The following ZNF813 variants were observed in gnomAD, a reference collection of about 807,000 sequenced individuals.
ZNF813 encodes zinc finger protein 813.
In ZNF813, 3 loss-of-function variants were observed where a neutral mutation model predicts 7.2. The observed-to-expected ratio is 0.42, with a 90% CI of 0.19 to 1.08. The LOEUF (loss-of-function observed/expected upper bound fraction) is 1.08. Ranked by LOEUF, ZNF813 falls within the 50% of genes least tolerant of loss-of-function variation. ZNF813 has a pLI of 0.30. For synonymous variants in ZNF813, 227 were observed against 256.3 expected, an observed-to-expected ratio of 0.89 and a Z score of 1.09; for missense variants, 714 against 753.3, an observed-to-expected ratio of 0.95 and a Z score of 0.61.
chr19:53,486,141 C>T (rs1455553733), intron 2 of ZNF813, among the ~76,000 whole-genome samples: 2 of 152,146 alleles, frequency 1.3e-5, no homozygotes, highest in African/African-American at 2.4e-5. Flanking sequence ...CATCTAGATA[C>T]TGAATGTCAC....
At chr19:53,477,995 G>T (rs952295245) in intron 1 of ZNF813, among the ~76,000 whole-genome samples, 3 of 152,134 alleles carry the variant, frequency 2.0e-5, no homozygotes, top group Non-Finnish European at 2.9e-5. Context: ...CATGTACATT[G>T]TATAAATCTT....
intron 1 of ZNF813, among the ~76,000 whole-genome samples, chr19:53,472,611 CTTTTT>C (rs1166123869): frequency 1.6e-5 from 2 of 128,410 alleles, no homozygotes; most frequent in African/African-American, 6.0e-5. Flanking sequence ...ACAAGTCTTT[CTTTTT>C]TTTTTTTTTT....
At chr19:53,471,498 A>G (rs1256313862) in intron 1 of ZNF813, among the ~76,000 whole-genome samples, 1 of 152,092 alleles carries the variant, frequency 6.6e-6, no homozygotes, top group Non-Finnish European at 1.5e-5. Flanking sequence ...ATCTCCTGAT[A>G]ATGGAAGTTT....
chr19:53,492,644 C>G lies in ZNF813; in HGVS notation c.*558C>G. The stretch of plus-strand genomic sequence containing the variant: ...AACTTGACTAATGTAATGATTGTCA[C>G]CAAGTCTTCAGTAACGCTACAACCA... On this transcript the variant is annotated 3_prime_UTR_variant, in exon 4 of 4. Coordinates refer to ENST00000396403, the MANE Select transcript of ZNF813 (RefSeq NM_001004301.4). 1 of 778,038 alleles carries G rather than the reference C, an allele frequency of 1.3e-6. No homozygotes were observed. Among genetic ancestry groups the G allele is most frequent in the Middle Eastern group, 2.8e-4 (1 of 3,604 alleles). The allele number at this position is 778,038 out of a possible 1,614,324, so 48.2% of individuals were successfully genotyped here. A position where few individuals can be genotyped will look rare whatever the true frequency, so the allele number is the denominator to read the frequency against.
At chr19:53,485,710 G>T (rs1387697397) in intron 2 of ZNF813, among the ~76,000 whole-genome samples, 2 of 151,864 alleles carry the variant, frequency 1.3e-5, no homozygotes, top group African/African-American at 4.8e-5. Flanking sequence ...TAGTTTTCAT[G>T]TATTTTCTTT....
chr19:53,471,977 C>T (rs1374843507), intron 1 of ZNF813, among the ~76,000 whole-genome samples: 1 of 152,138 alleles, frequency 6.6e-6, no homozygotes, highest in African/African-American at 2.4e-5. Context: ...GCAATGTTTT[C>T]AGCTAGCCGA....
At position 53,491,108 on chromosome 19, in the gene ZNF813, T is replaced by A; in HGVS notation, c.876T>A (p.Leu292=). Residue 292 remains leucine, a synonymous_variant, in exon 4 of 4, where the codon CTT becomes CTA. Coordinates refer to ENST00000396403, the MANE Select transcript of ZNF813 (RefSeq NM_001004301.4). ...QTYSLTCHRR[L]HTGEKPYKCE... ...ATTCCCTTACATGCCATCGTAGACT[T>A]CATACTGGAGAGAAACCTTACAAAT... The A allele has an allele frequency of 1.2e-6, 2 of 1,614,136 alleles. No individual in the cohort carries two copies. Among genetic ancestry groups the A allele is most frequent in the Non-Finnish European group, 8.5e-7 (1 of 1,180,000 alleles).
At chr19:53,482,715 T>TGG (rs2086414658) in intron 1 of ZNF813, among the ~76,000 whole-genome samples, 1 of 57,340 alleles carries the variant, frequency 1.7e-5, no homozygotes, top group Non-Finnish European at 3.6e-5. Flanking sequence ...GCTTTTTGTT[T>TGG]TTTTTTTTTT....
chr19:53,479,999 G>A (rs933013591), intron 1 of ZNF813: 1 of 763,098 alleles, frequency 1.3e-6, no homozygotes, highest in African/African-American at 1.7e-5. Flanking sequence ...GACAATTGAT[G>A]ACTTGGAAGA....
intron 1 of ZNF813, among the ~76,000 whole-genome samples, chr19:53,483,164 C>G (rs1335932103): frequency 2.0e-5 from 3 of 151,830 alleles, no homozygotes; most frequent in Non-Finnish European, 4.4e-5. Flanking sequence ...CCCTCCTTGG[C>G]CTTCCAGAGT....
At chr19:53,478,677 C>T (rs2086392819) in intron 1 of ZNF813, among the ~76,000 whole-genome samples, 1 of 151,980 alleles carries the variant, frequency 6.6e-6, no homozygotes, top group African/African-American at 2.4e-5. Flanking sequence ...ACTGGGAAGG[C>T]CAAGGCACAA....
At chr19:53,482,156 A>AT (rs1190158774) in intron 1 of ZNF813, among the ~76,000 whole-genome samples, 1 of 152,194 alleles carries the variant, frequency 6.6e-6, no homozygotes, top group Admixed American at 6.5e-5. Context: ...CCCAGTTGTA[A>AT]TTAGAATTTT....
chr19:53,478,229 G>C (rs2086390880), intron 1 of ZNF813, among the ~76,000 whole-genome samples: 1 of 152,134 alleles, frequency 6.6e-6, no homozygotes, highest in Non-Finnish European at 1.5e-5. Context: ...ATGGAGTGCA[G>C]CATGATCTCT....
Position 53,491,048 on chromosome 19 carries a change from G to A in ZNF813, c.816G>A (p.Arg272=), listed in dbSNP as rs1293336534. The change falls in exon 4 of 4, where the codon AGG becomes AGA. Residue 272 remains arginine, a synonymous_variant. Coordinates refer to ENST00000396403, the MANE Select transcript of ZNF813 (RefSeq NM_001004301.4). The part of the protein sequence containing the change: ...RRCHTGEKPY[R]CNECGKTFSQ... ...GTCACACTGGGGAGAAACCTTACAG[G>A]TGTAATGAGTGTGGCAAGACTTTCA... 3 of 1,614,058 alleles carry A rather than the reference G, an allele frequency of 1.9e-6. No homozygotes were observed. Among genetic ancestry groups the A allele is most frequent in the African/African-American group, 2.7e-5 (2 of 74,930 alleles).
In ZNF813 at chr19:53,482,720, T is replaced by TG. The variant is rs1426441353; in HGVS notation, c.-73-1030_-73-1029insG. ...CATCAGGAATGCTTTTTGTTTTTTT[T>TG]TTTTTTTTTTTTTTTTTTTGAGAGA... On this transcript the variant is annotated intron_variant, in intron 1 of 3. Coordinates refer to ENST00000396403, the MANE Select transcript of ZNF813 (RefSeq NM_001004301.4). 1.6e-3 allele frequency among the ~76,000 whole-genome samples: 214 copies of TG among 131,808 alleles called. 3 individuals carry two copies. The highest frequency in any genetic ancestry group is 5.6e-3 in the African/African-American group (190 of 33,910). 86.5% of individuals were successfully genotyped at this position (131,808 alleles called of 152,430 possible).
rs1177332836 is a variant in ZNF813 at position 53,494,309 on chromosome 19, C to T, written c.*2223C>T. The T allele has an allele frequency of 6.6e-6, 1 of 152,028 alleles. No homozygotes were observed. The highest frequency in any genetic ancestry group is 1.9e-4 in the East Asian group (1 of 5,176). 9.4% of individuals were successfully genotyped at this position (152,028 alleles called of 1,614,324 possible). A position where few individuals can be genotyped will look rare whatever the true frequency, so the allele number is the denominator to read the frequency against. On this transcript the variant is annotated 3_prime_UTR_variant, in exon 4 of 4. Coordinates refer to ENST00000396403, the MANE Select transcript of ZNF813 (RefSeq NM_001004301.4). ...CGAATCTGTTATGTCTGAACAGGTC[C>T]TAGTTTGAGGCACCCAGAAGGATAA... is the stretch of plus-strand genomic sequence containing the variant.
intron 1 of ZNF813, among the ~76,000 whole-genome samples, chr19:53,475,605 T>C (rs1204324215): frequency 1.3e-5 from 2 of 152,250 alleles, no homozygotes; most frequent in Non-Finnish European, 2.9e-5. Context: ...CTTTGATCCA[T>C]CAAAGTTATG....
At chr19:53,479,083 C>T (rs573385349) in intron 1 of ZNF813, among the ~76,000 whole-genome samples, 3 of 151,948 alleles carry the variant, frequency 2.0e-5, no homozygotes, top group South Asian at 2.1e-4. Flanking sequence ...TACAGGCCCA[C>T]GCCACCACAC....
intron 1 of ZNF813, among the ~76,000 whole-genome samples, chr19:53,474,642 TTG>T (rs1431581993): frequency 6.6e-6 from 1 of 151,672 alleles, no homozygotes; most frequent in East Asian, 1.9e-4. Flanking sequence ...TGAGCCAAGA[TTG>T]CACCACTGCA....
Sources: allele counts gnomAD v4.1 joint callset (sites outside exome capture counted in the v4.1 genomes callset), GRCh38; gene constraint gnomAD v4.1.1; transcripts MANE v1.5; gene names NCBI Gene and HGNC (gene_info 2026-07-23, HGNC 2026-07-21).